Variants in NELL2 observed in about 807,000 individuals in gnomAD.
NELL2 encodes neural EGFL like 2, also known as protein kinase C-binding protein NELL2.
In NELL2, 41 loss-of-function variants were observed where a neutral mutation model predicts 109.6. That is an observed-to-expected ratio of 0.37 (90% CI 0.29 to 0.49). NELL2 has a LOEUF of 0.49. NELL2 is among the 20% of genes least tolerant of loss of function. The pLI, the probability that NELL2 is intolerant of heterozygous loss-of-function variation, is 0.98. For synonymous variants in NELL2, 355 were observed against 344.7 expected (o/e 1.03, Z -0.33); for missense variants, 900 against 1,008.3 (o/e 0.89, Z 1.45).
intron 19 of NELL2, among the ~76,000 whole-genome samples, chr12:44,510,424 C>G (rs1940945292): frequency 6.6e-6 from 1 of 152,142 alleles, no homozygotes; most frequent in African/African-American, 2.4e-5. Flanking sequence ...AATACATCCT[C>G]CATTATATAG....
At chr12:44,536,623 A>G (rs933118103) in intron 15 of NELL2, among the ~76,000 whole-genome samples, 2 of 152,074 alleles carry the variant, frequency 1.3e-5, no homozygotes, top group Admixed American at 1.3e-4. Context: ...AGCTTATATG[A>G]CTTAGTCTTA....
chr12:44,703,702 G>T, intron 12 of NELL2, 24 bp downstream of exon 12: 1 of 1,612,184 alleles, frequency 6.2e-7, no homozygotes, highest in Non-Finnish European at 8.5e-7. Flanking sequence ...ATACAGCTGA[G>T]CTACACATCA....
At chr12:44,817,632 G>A (rs865933125) in intron 2 of NELL2, among the ~76,000 whole-genome samples, 3 of 152,188 alleles carry the variant, frequency 2.0e-5, no homozygotes, top group Non-Finnish European at 2.9e-5. Context: ...GCAGAGATAC[G>A]AAAGGGCATC....
At chr12:44,711,585 C>T (rs2136435633) in intron 10 of NELL2, among the ~76,000 whole-genome samples, 191 bp from the exon 11 acceptor site, 1 of 152,100 alleles carries the variant, frequency 6.6e-6, no homozygotes, top group South Asian at 2.1e-4. Context: ...ATAAGCAAGT[C>T]TTTAGAATAA....
At chr12:44,601,108 T>C (rs1945202975) in intron 15 of NELL2, among the ~76,000 whole-genome samples, 1 of 152,120 alleles carries the variant, frequency 6.6e-6, no homozygotes, top group African/African-American at 2.4e-5. Context: ...CCACTTGGCT[T>C]TTTTCTTTTT....
In NELL2 at chr12:44,577,465, G is replaced by GTTTT. The variant is rs746239984; in HGVS notation, c.1663+29700_1663+29703dup. On this transcript the variant is annotated intron_variant, in intron 15 of 19. Transcript: ENST00000429094. ...ATATTAGCCCTTTGTCAGATGAGTA[G>GTTTT]TTTTTTTTTTTTTTTTTTTTTTTTT... 5.0e-4 allele frequency among the ~76,000 whole-genome samples: 42 copies of GTTTT among 83,462 alleles called. 10 individuals are homozygous for GTTTT. The highest frequency in any genetic ancestry group is 2.7e-3 in the African/African-American group (38 of 14,154). 54.8% of individuals were successfully genotyped at this position (83,462 alleles called of 152,430 possible).
intron 1 of NELL2, 129 bp from the exon 2 acceptor site, chr12:44,875,482 C>A (rs199701874): frequency 6.2e-7 from 1 of 1,613,888 alleles, no homozygotes; most frequent in South Asian, 1.1e-5. Context: ...GAGGCGACTG[C>A]CTCCTCCTCC....
chr12:44,780,822 C>G (rs554950343), intron 3 of NELL2, among the ~76,000 whole-genome samples: 2 of 152,182 alleles, frequency 1.3e-5, no homozygotes, highest in Admixed American at 6.6e-5. Flanking sequence ...AAGCTTCCCC[C>G]TCAACTGTCA....
chr12:44,889,601 C>T (rs10506259), intron 1 of NELL2, among the ~76,000 whole-genome samples: 3,131 of 152,080 alleles, frequency 0.021, 110 homozygotes, highest in East Asian at 0.18. Context: ...GGACAAGTGA[C>T]TGTTAACGTG....
Position 44,658,118 on chromosome 12 carries a change from T to G in NELL2, c.1444+7366A>C, listed in dbSNP as rs11182601. On this transcript the variant is annotated intron_variant, in intron 13 of 19. Coordinates refer to ENST00000429094, the MANE Select transcript of NELL2 (RefSeq NM_001145108.2). ...TCAACAGTGTAAAAGTGTTCTTATTTCTCCACATCCTCTCCACCATCTGTT... is the reference window on the plus strand; with the variant it reads ...TCAACAGTGTAAAAGTGTTCTTATTGCTCCACATCCTCTCCACCATCTGTT... 1.2e-3 allele frequency among the ~76,000 whole-genome samples: 182 copies of G among 152,300 alleles called. 3 individuals carry two copies. In the East Asian group the frequency reaches 0.026, roughly 22 times the overall value.
intron 3 of NELL2, among the ~76,000 whole-genome samples, chr12:44,812,560 A>G (rs1434053717): frequency 3.9e-5 from 6 of 152,178 alleles, no homozygotes; most frequent in Non-Finnish European, 8.8e-5. Flanking sequence ...CCACCTTAAA[A>G]TTTTTGTGAA....
intron 2 of NELL2, among the ~76,000 whole-genome samples, chr12:44,852,376 A>AT (rs1435291625): frequency 6.6e-6 from 1 of 152,214 alleles, no homozygotes; most frequent in Non-Finnish European, 1.5e-5. Context: ...TCATGTTGTT[A>AT]TATAACTTTA....
intron 19 of NELL2, among the ~76,000 whole-genome samples, chr12:44,514,925 TTATAA>T (rs1941190462): frequency 6.6e-6 from 1 of 150,926 alleles, no homozygotes; most frequent in Non-Finnish European, 1.5e-5. Context: ...CTATACCTAA[TTATAA>T]TATAATAAGT....
At chr12:44,537,043 G>A (rs1194673053) in intron 15 of NELL2, among the ~76,000 whole-genome samples, 2 of 140,826 alleles carry the variant, frequency 1.4e-5, no homozygotes, top group Non-Finnish European at 3.1e-5. Context: ...GAAAATGTAT[G>A]AATAGAAAAA....
intron 16 of NELL2, among the ~76,000 whole-genome samples, chr12:44,531,024 CAGTG>C (rs1334329132): frequency 6.6e-6 from 1 of 152,150 alleles, no homozygotes; most frequent in Admixed American, 6.5e-5. Flanking sequence ...ATTTGAAAGA[CAGTG>C]AGTTTAGTTA....
chr12:44,725,724 T>C (rs1460807131), intron 9 of NELL2, among the ~76,000 whole-genome samples: 1 of 152,200 alleles, frequency 6.6e-6, no homozygotes, highest in Non-Finnish European at 1.5e-5. Context: ...CTGGAGGCTC[T>C]TATCCTTAGC....
chr12:44,573,668 A>G (rs1306294686), intron 15 of NELL2, among the ~76,000 whole-genome samples: 1 of 152,248 alleles, frequency 6.6e-6, no homozygotes, highest in African/African-American at 2.4e-5. Flanking sequence ...TAGTCACAGA[A>G]TATATGGTTG....
intron 2 of NELL2, among the ~76,000 whole-genome samples, chr12:44,863,087 T>TCCC (rs1944889805): frequency 6.6e-6 from 1 of 151,250 alleles, no homozygotes; most frequent in Non-Finnish European, 1.5e-5. Context: ...ATGCTATTCG[T>TCCC]TCCCCTAGCC....
intron 2 of NELL2, among the ~76,000 whole-genome samples, chr12:44,822,583 G>A (rs1943581965): frequency 6.6e-6 from 1 of 152,198 alleles, no homozygotes; most frequent in Non-Finnish European, 1.5e-5. Context: ...TGAGAAACAG[G>A]CCTTGAAATG....
Sources: gnomAD v4.1 joint callset for allele counts (sites outside exome capture counted in the v4.1 genomes callset) on GRCh38, gnomAD v4.1.1 for gene constraint, MANE v1.5 for transcripts, NCBI Gene and HGNC (gene_info 2026-07-23, HGNC 2026-07-21) for gene names.